The following RAPH1 variants were observed in gnomAD, a reference collection of about 807,000 sequenced individuals.
The protein encoded by RAPH1 is Ras association (RalGDS/AF-6) and pleckstrin homology domains 1.
RAPH1 carries 18 observed loss-of-function variants against 88.1 expected under a neutral mutation model. That is an observed-to-expected ratio of 0.20 (90% CI 0.14 to 0.30). The LOEUF (loss-of-function observed/expected upper bound fraction) is 0.30. Ranked by LOEUF, RAPH1 falls within the 10% of genes least tolerant of loss-of-function variation. The pLI, the probability that RAPH1 is intolerant of heterozygous loss-of-function variation, is 1.00. For missense variants in RAPH1, 1,448 were observed against 1,543.2 expected (o/e 0.94, Z 1.03); for synonymous variants, 587 against 559.0 (o/e 1.05, Z -0.71).
At chr2:203,496,989 T>G (rs112880677) in intron 1 of RAPH1, among the ~76,000 whole-genome samples, 31 of 152,352 alleles carry the variant, frequency 2.0e-4, no homozygotes, top group African/African-American at 7.2e-4. Flanking sequence ...TAACTTGATA[T>G]ACATATGCCA....
intron 4 of RAPH1, among the ~76,000 whole-genome samples, chr2:203,469,289 C>G (rs1450516536): frequency 2.6e-5 from 4 of 152,116 alleles, no homozygotes; most frequent in African/African-American, 9.7e-5. Context: ...TCTACACTTC[C>G]CTGATCTTTA....
At chr2:203,456,799 A>G (rs2098519930) in intron 8 of RAPH1, among the ~76,000 whole-genome samples, 1 of 152,198 alleles carries the variant, frequency 6.6e-6, no homozygotes, top group Admixed American at 6.5e-5. Context: ...TCAGCCAAAA[A>G]TTCAATTATA....
Position 203,459,908 on chromosome 2 carries a change from T to A in RAPH1, c.1091A>T (p.Gln364Leu). The part of the protein sequence containing the change: ...IEKYALFKNP[Q>L]NYLLGKKETA... ...CCTCTGTAAGTTGTTTGGTCTTACC[T>A]GTGGGTTTTTGAAAAGTGCATATTT... Residue 364 changes from glutamine to leucine, a missense_variant and splice_region_variant, in exon 7 of 14, where the codon CAG (glutamine) becomes CTG (leucine). Physicochemically the swap from Gln to Leu is moderately radical, Grantham distance 113. Transcript: ENST00000319170. The A allele has an allele frequency of 6.2e-7, 1 of 1,612,554 alleles. No individual in the cohort carries two copies. The highest frequency in any genetic ancestry group is 1.7e-5 in the Admixed American group (1 of 59,770).
intron 7 of RAPH1, 89 bp from the exon 8 acceptor site, chr2:203,457,684 G>C (rs1000025705): frequency 2.1e-6 from 2 of 939,924 alleles, no homozygotes; most frequent in Non-Finnish European, 3.5e-6. Context: ...CTTGGCACAG[G>C]TGTGTGTATG....
intron 1 of RAPH1, among the ~76,000 whole-genome samples, chr2:203,518,584 C>T (rs1325137574): frequency 6.6e-6 from 1 of 150,682 alleles, no homozygotes. Flanking sequence ...TGGTGGCTCA[C>T]AACTACAATC....
intron 4 of RAPH1, among the ~76,000 whole-genome samples, chr2:203,481,716 C>A (rs1242057340): frequency 6.7e-6 from 1 of 150,100 alleles, no homozygotes; most frequent in Non-Finnish European, 1.5e-5. Flanking sequence ...CTCAGCCTCC[C>A]GAGTAGCTGG....
In RAPH1 at chr2:203,448,655, G is replaced by C; in HGVS notation, c.1512+83C>G. On this transcript the variant is annotated intron_variant, in intron 11 of 13. Transcript: ENST00000319170. The surrounding 1 kb of genome is among the most constrained non-coding windows in gnomAD (Gnocchi z 4.1). ...CTGGCAAATCCATGAACATGAAATA[G>C]TCAGAATAGTTGTCATGAAAACGAA... The C allele has an allele frequency of 1.1e-6, 1 of 878,114 alleles. No individual in the cohort carries two copies. The highest frequency in any genetic ancestry group is 1.7e-6 in the Non-Finnish European group (1 of 574,128). The allele number at this position is 878,114 out of a possible 1,614,324, so 54.4% of individuals were successfully genotyped here. A position where few individuals can be genotyped will look rare whatever the true frequency, so the allele number is the denominator to read the frequency against.
chr2:203,490,607 A>G (rs1307173959), intron 3 of RAPH1, among the ~76,000 whole-genome samples: 1 of 152,244 alleles, frequency 6.6e-6, no homozygotes, highest in South Asian at 2.1e-4. Context: ...GTGAGAAAAC[A>G]ATGCAATTAA....
At chr2:203,526,111 A>G (rs1690102759) in intron 1 of RAPH1, among the ~76,000 whole-genome samples, 1 of 152,216 alleles carries the variant, frequency 6.6e-6, no homozygotes, top group African/African-American at 2.4e-5. Context: ...ATTCACCTTG[A>G]ATAATTCCTA....
rs1406735589 is a variant in RAPH1, at chr2:203,440,784, T to C, written c.2406A>G (p.Ala802=). 5 of 1,604,518 alleles carry C rather than the reference T, an allele frequency of 3.1e-6. No homozygotes were observed. The African/African-American group carries it at 6.9e-5, about 22-fold the overall frequency. ...GCACTGGAGGAGTAGGTGTGGGTGG[T>C]GCAGCTTGAGTCACAACAGGTGCCA... is the stretch of plus-strand genomic sequence containing the variant. The part of the protein sequence containing the change: ...KTVAPVVTQA[A]PPTPTPPVPP... The change falls in exon 14 of 14, where the codon GCA becomes GCG. Residue 802 remains alanine (A), a synonymous_variant. Transcript: ENST00000319170.
intron 1 of RAPH1, among the ~76,000 whole-genome samples, chr2:203,510,520 C>A (rs1053027647): frequency 6.6e-6 from 1 of 151,902 alleles, no homozygotes; most frequent in Non-Finnish European, 1.5e-5. Flanking sequence ...GGTGGCATCC[C>A]CCAGGCAATT....
intron 12 of RAPH1, 144 bp downstream of exon 12, chr2:203,447,815 A>T (rs2098511320): frequency 1.3e-6 from 1 of 751,906 alleles, no homozygotes; most frequent in Non-Finnish European, 2.1e-6. Flanking sequence ...GCAATTTTTA[A>T]AAAGGCATCT....
At chr2:203,515,080 C>T (rs1369476275) in intron 1 of RAPH1, among the ~76,000 whole-genome samples, 2 of 152,126 alleles carry the variant, frequency 1.3e-5, no homozygotes, top group East Asian at 3.8e-4. Context: ...GGGTACAATA[C>T]TCCAGTTTTG....
intron 8 of RAPH1, 112 bp from the exon 9 acceptor site, chr2:203,455,692 T>TA: frequency 1.0e-6 from 1 of 1,004,086 alleles, no homozygotes; most frequent in Non-Finnish European, 1.5e-6. Flanking sequence ...GGTTTTATAT[T>TA]AAAACCAAGC....
intron 4 of RAPH1, among the ~76,000 whole-genome samples, chr2:203,480,359 G>A (rs1205753941): frequency 2.6e-5 from 4 of 152,158 alleles, no homozygotes; most frequent in Non-Finnish European, 4.4e-5. Flanking sequence ...GACCAGCCTG[G>A]CCAACAGGGC....
rs1553630461 is a variant in RAPH1, at chr2:203,506,832, CTA to C, written c.1-11481_1-11480del. Among the ~76,000 whole-genome samples the C allele has an allele frequency of 3.4e-4, 4 of 11,696 alleles. 1 individual carries two copies. Among genetic ancestry groups the C allele is most frequent in the South Asian group, 3.2e-3 (1 of 310 alleles). 7.7% of individuals were successfully genotyped at this position (11,696 alleles called of 152,430 possible). On this transcript the variant is annotated intron_variant, in intron 1 of 13. Transcript: ENST00000319170. ...TATATCTATATATCTATATATATAT[CTA>C]TATCTATATATCTATCTATATCTAT...
chr2:203,456,034 AAAC>A (rs1335129393), intron 8 of RAPH1, among the ~76,000 whole-genome samples: 3 of 104,364 alleles, frequency 2.9e-5, no homozygotes, highest in Non-Finnish European at 6.6e-5. Flanking sequence ...ACAAAAACAA[AAAC>A]AAAAACAAGA....
intron 1 of RAPH1, among the ~76,000 whole-genome samples, chr2:203,506,818 ATC>A (rs1486490751): frequency 9.4e-5 from 8 of 85,058 alleles, no homozygotes; most frequent in African/African-American, 2.7e-4. Flanking sequence ...ATATCTATAT[ATC>A]TATATATATA....
Position 203,448,329 on chromosome 2 carries a change from A to C in RAPH1, c.1513-250T>G, listed in dbSNP as rs2098511797. 6.6e-6 allele frequency among the ~76,000 whole-genome samples: 1 copy of C among 152,170 alleles called. No individual in the cohort carries two copies. The highest frequency in any genetic ancestry group is 6.5e-5 in the Admixed American group (1 of 15,280). The stretch of plus-strand genomic sequence containing the variant: ...ATAAACATTAATGTTTTTTCACCCC[A>C]AATTCTTGATCCAAGGGCAGCTTTT... On this transcript the variant is annotated intron_variant, in intron 11 of 13. Transcript: ENST00000319170. The surrounding 1 kb of genome is among the most constrained non-coding windows in gnomAD (Gnocchi z 4.1).
Sources: gnomAD v4.1 joint callset for allele counts (sites outside exome capture counted in the v4.1 genomes callset) on GRCh38, gnomAD v4.1.1 for gene constraint, Gnocchi (gnomAD v3.1) non-coding constraint, MANE v1.5 for transcripts, NCBI Gene and HGNC (gene_info 2026-07-23, HGNC 2026-07-21) for gene names.